GLI2: variants seen among roughly 807,000 people sequenced by gnomAD.
GLI2 encodes the protein transcription activator GLI2.
A neutral mutation model predicts 78.9 loss-of-function variants in GLI2; 22 were observed. The ratio of observed to expected loss-of-function variants is 0.28; its 90% CI spans 0.20 to 0.40. The LOEUF is 0.40. GLI2 is among the 10% of genes least tolerant of loss of function. GLI2 has a pLI of 1.00. For missense variants in GLI2, 2,097 were observed against 2,213.2 expected (o/e 0.95, Z 1.05); for synonymous variants, 974 against 963.7 (o/e 1.01, Z -0.20).
At chr2:120,881,931 T>G (rs1677172346) in intron 2 of GLI2, among the ~76,000 whole-genome samples, 1 of 151,886 alleles carries the variant, frequency 6.6e-6, no homozygotes. Flanking sequence ...GGGCTCTGAA[T>G]GTCAGCCCAG....
chr2:120,797,540 T>TGG, intron 2 of GLI2, 72 bp downstream of exon 2: 1 of 1,426,788 alleles, frequency 7.0e-7, no homozygotes, highest in South Asian at 1.2e-5. Flanking sequence ...TTAATTAGAG[T>TGG]GGTGGCCCAT....
At chr2:120,886,603 C>T (rs1261492505) in intron 2 of GLI2, among the ~76,000 whole-genome samples, 1 of 152,178 alleles carries the variant, frequency 6.6e-6, no homozygotes, top group Non-Finnish European at 1.5e-5. Flanking sequence ...AGGGTCAGAC[C>T]TGCGCTCCAG....
intron 2 of GLI2, 116 bp from the exon 3 acceptor site, chr2:120,927,245 C>G: frequency 1.2e-6 from 1 of 807,690 alleles, no homozygotes; most frequent in Non-Finnish European, 2.2e-6. Flanking sequence ...ACTGCGGAGC[C>G]CCTTGTCCTG....
chr2:120,919,449 C>T (rs1472290874), intron 2 of GLI2, among the ~76,000 whole-genome samples: 5 of 152,234 alleles, frequency 3.3e-5, no homozygotes, highest in Non-Finnish European at 5.9e-5. Context: ...TGTGCGAGTG[C>T]TGGCCAGGGT....
At chr2:120,768,071 T>G (rs144331469) in intron 1 of GLI2, among the ~76,000 whole-genome samples, 1 of 152,310 alleles carries the variant, frequency 6.6e-6, no homozygotes, top group Non-Finnish European at 1.5e-5. Flanking sequence ...CCCCAAACTA[T>G]TTTTACTCTT....
intron 1 of GLI2, among the ~76,000 whole-genome samples, chr2:120,769,056 G>T (rs143955298): frequency 6.6e-6 from 1 of 152,118 alleles, no homozygotes; most frequent in Admixed American, 6.5e-5. Flanking sequence ...ACTTGACAAG[G>T]GTCCTCATTT....
chr2:120,801,419 G>A (rs918906625), intron 2 of GLI2, among the ~76,000 whole-genome samples: 1 of 152,170 alleles, frequency 6.6e-6, no homozygotes, highest in South Asian at 2.1e-4. Flanking sequence ...GATTACAGGC[G>A]TGAGCCACCT....
At chr2:120,747,349 C>G (rs1252077724) in intron 1 of GLI2, among the ~76,000 whole-genome samples, 1 of 152,120 alleles carries the variant, frequency 6.6e-6, no homozygotes, top group East Asian at 1.9e-4. Context: ...GATGGGTAAG[C>G]AGGGCCTCAG....
chr2:120,882,042 A>G lies in GLI2; in HGVS notation c.149-45319A>G, dbSNP rs1257356018. Among the ~76,000 whole-genome samples, 2 of 152,104 alleles carry G rather than the reference A, an allele frequency of 1.3e-5. 1 individual carries two copies. Among genetic ancestry groups the G allele is most frequent in the Non-Finnish European group, 2.9e-5 (2 of 68,002 alleles). On this transcript the variant is annotated intron_variant, in intron 2 of 13. Coordinates refer to ENST00000361492, the MANE Select transcript of GLI2 (RefSeq NM_001374353.1). ...AGGTTGATTCCAGAATACACTATCC[A>G]GGTCCAGGGTGCAGTGGCTATAACT...
Position 120,872,522 on chromosome 2 carries a change from G to A in GLI2, c.149-54839G>A, listed in dbSNP as rs79883679. 6.3e-3 allele frequency among the ~76,000 whole-genome samples: 964 copies of A among 152,344 alleles called. 7 individuals are homozygous for A. The highest frequency in any genetic ancestry group is 0.022 in the African/African-American group (906 of 41,580). On this transcript the variant is annotated intron_variant, in intron 2 of 13. Transcript: ENST00000361492. ...CAAAGTGGGCATGCTGGCTGTGTGT[G>A]GTCAACACCAAGAAGTGGGCAGGCT...
At chr2:120,985,901 C>T (rs2105075456) in intron 12 of GLI2, among the ~76,000 whole-genome samples, 1 of 152,348 alleles carries the variant, frequency 6.6e-6, no homozygotes, top group South Asian at 2.1e-4. Flanking sequence ...GTTGAAGCCA[C>T]CAAGTCAGCA....
At chr2:120,978,610 C>T (rs372019197) in intron 10 of GLI2, 27 bp downstream of exon 10, 122 of 1,609,042 alleles carry the variant, frequency 7.6e-5, no homozygotes, top group South Asian at 1.5e-4. Context: ...CCACCCCCGC[C>T]GCAGCATCAA....
At chr2:120,776,503 G>T (rs940788497) in intron 1 of GLI2, among the ~76,000 whole-genome samples, 2 of 152,118 alleles carry the variant, frequency 1.3e-5, no homozygotes, top group Admixed American at 1.3e-4. Context: ...CCTCTGCCTC[G>T]AGCCCTTTCC....
At chr2:120,843,152 C>T (rs1018605048) in intron 2 of GLI2, among the ~76,000 whole-genome samples, 1 of 152,160 alleles carries the variant, frequency 6.6e-6, no homozygotes, top group Non-Finnish European at 1.5e-5. Context: ...TTTAATATTC[C>T]AGAATGCAGT....
chr2:120,957,605 C>T (rs1050152807), intron 5 of GLI2, among the ~76,000 whole-genome samples: 7 of 152,308 alleles, frequency 4.6e-5, no homozygotes, highest in South Asian at 4.1e-4. Context: ...GGAAAGTGGA[C>T]GAGGCAGAGA....
At chr2:120,826,546 G>A (rs1340922082) in intron 2 of GLI2, among the ~76,000 whole-genome samples, 1 of 152,184 alleles carries the variant, frequency 6.6e-6, no homozygotes, top group African/African-American at 2.4e-5. Flanking sequence ...CTTGAGGTGG[G>A]CAGAGGTGCT....
At chr2:120,910,303 C>T (rs892464600) in intron 2 of GLI2, among the ~76,000 whole-genome samples, 1 of 152,200 alleles carries the variant, frequency 6.6e-6, no homozygotes, top group Non-Finnish European at 1.5e-5. Context: ...TCTGTCAGGG[C>T]TTCTTGCCTA....
intron 3 of GLI2, among the ~76,000 whole-genome samples, chr2:120,946,708 CT>C (rs1370474224): frequency 6.6e-6 from 1 of 152,198 alleles, no homozygotes; most frequent in Non-Finnish European, 1.5e-5. Context: ...GCTCAATCGT[CT>C]GCTCACTGGC....
chr2:120,859,548 G>A (rs1180411791), intron 2 of GLI2, among the ~76,000 whole-genome samples: 2 of 149,740 alleles, frequency 1.3e-5, no homozygotes, highest in Admixed American at 1.3e-4. Context: ...TCTGCCTCCC[G>A]GGTTCAAGTG....
Sources: gnomAD v4.1 joint callset for allele counts (sites outside exome capture counted in the v4.1 genomes callset) on GRCh38, gnomAD v4.1.1 for gene constraint, MANE v1.5 for transcripts, NCBI Gene and HGNC (gene_info 2026-07-23, HGNC 2026-07-21) for gene names.